The following ARMC6 variants were observed in gnomAD, a reference collection of about 807,000 sequenced individuals.
The protein encoded by ARMC6 is armadillo repeat containing 6.
A neutral mutation model predicts 49.2 loss-of-function variants in ARMC6; 43 were observed. That is an observed-to-expected ratio of 0.87 (90% CI 0.69 to 1.13). The LOEUF (loss-of-function observed/expected upper bound fraction) is 1.13, where lower values mean the gene tolerates loss of function less well. ARMC6 is among the 50% of genes most tolerant of loss of function. ARMC6 has a pLI of 0.00. For missense variants in ARMC6, 627 were observed against 682.0 expected (o/e 0.92, Z 0.90); for synonymous variants, 262 against 289.6 (o/e 0.90, Z 0.97).
chr19:19,033,896 C>T lies in ARMC6; in HGVS notation c.-114C>T. 1 of 392,788 alleles carries T rather than the reference C, an allele frequency of 2.5e-6. No individual in the cohort carries two copies. The highest frequency in any genetic ancestry group is 4.6e-6 in the Non-Finnish European group (1 of 216,344). The allele number at this position is 392,788 out of a possible 1,614,324, so 24.3% of individuals were successfully genotyped here. On this transcript the variant is annotated 5_prime_UTR_variant, in exon 1 of 9. Coordinates refer to ENST00000535612, the MANE Select transcript of ARMC6 (RefSeq NM_001199196.2). ...GGCGGCTCCCTGGGTGACAACCGCG[C>T]GCCCCACCTTTCCCCACGTGGCCGC...
In ARMC6 at chr19:19,052,070, G is replaced by C. The variant is rs747067959; in HGVS notation, c.728G>C (p.Cys243Ser). 48 of 1,613,844 alleles carry C rather than the reference G, an allele frequency of 3.0e-5. No individual in the cohort carries two copies. The highest frequency in any genetic ancestry group is 1.6e-4 in the African/African-American group (12 of 74,950). Residue 243 changes from cysteine (C) to serine (S), a missense_variant, in exon 5 of 9, where the codon TGC (cysteine) becomes TCC (serine). Cys to Ser is a moderately radical substitution (Grantham distance 112). Transcript: ENST00000535612. ...CACACTGACGTGGTCAGGGAAGCCT[G>C]CTGGGCCCTGCGTGTCATGACCTTC... Reference protein sequence around the residue: ...GHHTDVVREACWALRVMTFDD... With the variant: ...GHHTDVVREASWALRVMTFDD...
At chr19:19,042,994 C>CCA in intron 3 of ARMC6, 117 bp downstream of exon 3, 1 of 1,335,890 alleles carries the variant, frequency 7.5e-7, no homozygotes, top group Non-Finnish European at 1.0e-6. Context: ...AACCAGGTGC[C>CCA]ATTGGGCCCT....
chr19:19,047,143 A>G (rs1358963219), intron 4 of ARMC6, among the ~76,000 whole-genome samples: 1 of 151,872 alleles, frequency 6.6e-6, no homozygotes, highest in African/African-American at 2.4e-5. Flanking sequence ...TTTTTCATTA[A>G]GGAAGAGTGG....
chr19:19,034,295 A>G (rs1338372785), intron 2 of ARMC6, 57 bp downstream of exon 2: 24 of 1,570,842 alleles, frequency 1.5e-5, no homozygotes, highest in Non-Finnish European at 2.0e-5. Context: ...GCTGCTCTTT[A>G]TCTAGAAGTG....
rs1483409259 is a variant in ARMC6, at chr19:19,055,995, A to ATGG, written c.1293+68_1293+70dup. On this transcript the variant is annotated intron_variant, in intron 8 of 8. Transcript: ENST00000535612. This position sits in a 1 kb window ranked among gnomAD's most constrained non-coding sequence, Gnocchi z 5.7. ...ATGTGCAGGTAGGTGCAGAGAGGGCATGGGAGCAGGTGCGGTGTGCGGGTG... is the reference window on the plus strand; with the variant it reads ...ATGTGCAGGTAGGTGCAGAGAGGGCATGGTGGGAGCAGGTGCGGTGTGCGGGTG... 2 of 1,534,236 alleles carry ATGG rather than the reference A, an allele frequency of 1.3e-6. No homozygotes were observed. The highest frequency in any genetic ancestry group is 3.7e-5 in the Admixed American group (2 of 53,774).
In ARMC6 at chr19:19,033,920, G is replaced by A; in HGVS notation, c.-90G>A. 1 of 413,486 alleles carries A rather than the reference G, an allele frequency of 2.4e-6. No individual in the cohort carries two copies. Among genetic ancestry groups the A allele is most frequent in the Non-Finnish European group, 4.4e-6 (1 of 228,972 alleles). 25.6% of individuals were successfully genotyped at this position (413,486 alleles called of 1,614,324 possible). ...GCGCCCCACCTTTCCCCACGTGGCC[G>A]CGAAGACCGGGTGAGACGCTGCGGC... is the stretch of plus-strand genomic sequence containing the variant. On this transcript the variant is annotated 5_prime_UTR_variant, in exon 1 of 9. Transcript: ENST00000535612.
intron 2 of ARMC6, among the ~76,000 whole-genome samples, chr19:19,039,628 T>C (rs964597868): frequency 1.2e-4 from 18 of 152,224 alleles, no homozygotes; most frequent in African/African-American, 2.4e-4. Flanking sequence ...TTTCATGTCA[T>C]TGGAATCGTG....
At chr19:19,051,314 G>T (rs1188250234) in intron 4 of ARMC6, among the ~76,000 whole-genome samples, 2 of 151,946 alleles carry the variant, frequency 1.3e-5, no homozygotes, top group East Asian at 3.9e-4. Context: ...TAATATGTCT[G>T]CATTTATGTG....
intron 4 of ARMC6, among the ~76,000 whole-genome samples, chr19:19,049,168 T>TGGTG (rs2059476495): frequency 6.6e-6 from 1 of 150,690 alleles, no homozygotes; most frequent in African/African-American, 2.4e-5. Flanking sequence ...TTCTTCAGCC[T>TGGTG]CAGCCTCCCA....
intron 8 of ARMC6, among the ~76,000 whole-genome samples, chr19:19,056,263 GT>G (rs533708367): frequency 0.013 from 1,762 of 134,520 alleles, 26 homozygotes; most frequent in African/African-American, 0.042. Context: ...CCTTCTGTGG[GT>G]TTTTTTTTTT....
chr19:19,043,112 T>A (rs1237348977), intron 3 of ARMC6, among the ~76,000 whole-genome samples: 1 of 152,224 alleles, frequency 6.6e-6, no homozygotes, highest in Non-Finnish European at 1.5e-5. Flanking sequence ...ATGAGTCTCA[T>A]TTGATCACTT....
chr19:19,046,927 G>GTTTTTTTT (rs386388691), intron 4 of ARMC6, among the ~76,000 whole-genome samples: 44 of 104,294 alleles, frequency 4.2e-4, no homozygotes, highest in South Asian at 1.0e-3. Context: ...ATGCTCACCT[G>GTTTTTTTT]TTTTTTTTTT....
chr19:19,050,233 C>T lies in ARMC6; in HGVS notation c.280-1389C>T, dbSNP rs185360560. 2.8e-3 allele frequency among the ~76,000 whole-genome samples: 420 copies of T among 152,226 alleles called. 2 individuals carry two copies. Among genetic ancestry groups the T allele is most frequent in the African/African-American group, 9.6e-3 (398 of 41,548 alleles). Reference sequence around the variant, plus strand: ...TCGCCCAGGCTGGAGTGCAATGGCACGAGCTCAGCTCCCTGCAACCTCCAA... The same window carrying T: ...TCGCCCAGGCTGGAGTGCAATGGCATGAGCTCAGCTCCCTGCAACCTCCAA... On this transcript the variant is annotated intron_variant, in intron 4 of 8. Coordinates refer to ENST00000535612, the MANE Select transcript of ARMC6 (RefSeq NM_001199196.2).
At chr19:19,052,286 C>A in intron 5 of ARMC6, 91 bp downstream of exon 5, 1 of 1,245,864 alleles carries the variant, frequency 8.0e-7, no homozygotes, top group Non-Finnish European at 1.1e-6. Flanking sequence ...CTGCTTTAGG[C>A]ACGGCAGGCT....
At chr19:19,043,930 G>A (rs1229562715) in intron 3 of ARMC6, 62 bp from the exon 4 acceptor site, 8 of 1,503,242 alleles carry the variant, frequency 5.3e-6, no homozygotes, top group East Asian at 2.3e-5. Context: ...GCAGGCCCAC[G>A]GGGATGACAG....
At chr19:19,042,091 T>A (rs2059415626) in intron 2 of ARMC6, among the ~76,000 whole-genome samples, 1 of 151,876 alleles carries the variant, frequency 6.6e-6, no homozygotes, top group Non-Finnish European at 1.5e-5. Context: ...GAGACAGACT[T>A]TTGCCATGTT....
chr19:19,042,423 A>T (rs564887240), intron 2 of ARMC6, among the ~76,000 whole-genome samples: 1 of 151,188 alleles, frequency 6.6e-6, no homozygotes, highest in South Asian at 2.1e-4. Context: ...ATCATGGCTC[A>T]CTGCAGCCTT....
At chr19:19,037,619 G>A in intron 2 of ARMC6, 1 of 1,245,018 alleles carries the variant, frequency 8.0e-7, no homozygotes, top group South Asian at 1.3e-5. Context: ...TTCCGCCTCG[G>A]CCTCCCAAAG....
chr19:19,052,752 G>C (rs756771495), intron 5 of ARMC6, among the ~76,000 whole-genome samples: 68 of 152,156 alleles, frequency 4.5e-4, no homozygotes, highest in Non-Finnish European at 8.5e-4. Context: ...TTGACACACA[G>C]AAGGTGTTAG....
Sources: allele counts gnomAD v4.1 joint callset (sites outside exome capture counted in the v4.1 genomes callset), GRCh38; gene constraint gnomAD v4.1.1; non-coding constraint Gnocchi (gnomAD v3.1); transcripts MANE v1.5; gene names NCBI Gene and HGNC (gene_info 2026-07-23, HGNC 2026-07-21).